Variants in CPLX1 observed in about 807,000 individuals in gnomAD.
The protein encoded by CPLX1 is complexin 1, also known as complexin-1.
Under a neutral mutation model 15.6 loss-of-function variants are expected in CPLX1, and 6 were observed. The observed-to-expected ratio is 0.39, with a 90% confidence interval of 0.21 to 0.76. The LOEUF (loss-of-function observed/expected upper bound fraction) is 0.76, where lower values mean the gene tolerates loss of function less well. Among genes scored for constraint, CPLX1 ranks in the 30% least tolerant of loss-of-function variants. CPLX1 has a pLI of 0.43. For synonymous variants in CPLX1, 91 were observed against 75.2 expected (o/e 1.21, Z -1.08); for missense variants, 242 against 188.6 (o/e 1.28, Z -1.66).
intron 2 of CPLX1, among the ~76,000 whole-genome samples, chr4:798,013 G>A (rs1021093120): frequency 7.9e-5 from 12 of 152,240 alleles, no homozygotes; most frequent in Admixed American, 2.6e-4. Flanking sequence ...AGTGGCTCAC[G>A]CCTGTAATTC....
intron 3 of CPLX1, among the ~76,000 whole-genome samples, chr4:789,839 C>A (rs1394938427): frequency 6.6e-6 from 1 of 152,206 alleles, no homozygotes; most frequent in Non-Finnish European, 1.5e-5. Flanking sequence ...CCCAAGATGC[C>A]GGGGGGTGCC....
chr4:808,222 C>G (rs1284791077), intron 2 of CPLX1, among the ~76,000 whole-genome samples: 1 of 151,778 alleles, frequency 6.6e-6, no homozygotes, highest in Non-Finnish European at 1.5e-5. Context: ...TGAGCTGAGA[C>G]CCTGGCTCAA....
At chr4:815,146 C>G (rs1746728080) in intron 2 of CPLX1, among the ~76,000 whole-genome samples, 1 of 152,172 alleles carries the variant, frequency 6.6e-6, no homozygotes, top group African/African-American at 2.4e-5. Context: ...CGTGGTGGCT[C>G]ACGCCTGTAA....
intron 2 of CPLX1, among the ~76,000 whole-genome samples, chr4:815,816 T>TCA (rs1385055548): frequency 6.6e-6 from 1 of 152,206 alleles, no homozygotes; most frequent in African/African-American, 2.4e-5. Context: ...CCCAGGCTCT[T>TCA]GTTACAACGG....
chr4:786,475 C>T lies in CPLX1; in HGVS notation c.*26G>A. The T allele has an allele frequency of 6.5e-7, 1 of 1,526,736 alleles. No individual in the cohort carries two copies. Among genetic ancestry groups the T allele is most frequent in the Non-Finnish European group, 8.8e-7 (1 of 1,133,002 alleles). The allele number at this position is 1,526,736 out of a possible 1,614,324, so 94.6% of individuals were successfully genotyped here. On this transcript the variant is annotated 3_prime_UTR_variant, in exon 4 of 4. Transcript: ENST00000304062. ...ATCTGTAGGGGGAGGGGCGGGGGCT[C>T]CGCGGGGCCGCTGTCCCGCGCGCGG...
At position 785,364 on chromosome 4, in the gene CPLX1, A is replaced by T. The variant is rs1369647334; in HGVS notation, c.*1137T>A. On this transcript the variant is annotated 3_prime_UTR_variant, in exon 4 of 4. Coordinates refer to ENST00000304062, the MANE Select transcript of CPLX1 (RefSeq NM_006651.4). ...GGCTTCTCTAAAGCTATGTAAGGTC[A>T]TGAAGGTCAATGCCAAGCCACGCCC... 6.6e-6 allele frequency: 1 copy of T among 152,536 alleles called. No homozygotes were observed. The highest frequency in any genetic ancestry group is 1.5e-5 in the Non-Finnish European group (1 of 68,034). 9.4% of individuals were successfully genotyped at this position (152,536 alleles called of 1,614,324 possible). A position where few individuals can be genotyped will look rare whatever the true frequency, so the allele number is the denominator to read the frequency against.
At chr4:822,308 CCT>C (rs1215264247) in intron 2 of CPLX1, among the ~76,000 whole-genome samples, 7 of 150,758 alleles carry the variant, frequency 4.6e-5, no homozygotes, top group Admixed American at 1.3e-4. Flanking sequence ...TCTCTGTATC[CCT>C]CTGTCTCTCC....
rs115856852 is a variant in CPLX1, at chr4:790,845, C to T, written c.207+1588G>A. On this transcript the variant is annotated intron_variant, in intron 3 of 3. Coordinates refer to ENST00000304062, the MANE Select transcript of CPLX1 (RefSeq NM_006651.4). Reference sequence around the variant, plus strand: ...GCCTGGGGCTCTCTCCTCTCTGTTCCCTGTGTCTCGGCCTTGATTGCTGTC... The same window carrying T: ...GCCTGGGGCTCTCTCCTCTCTGTTCTCTGTGTCTCGGCCTTGATTGCTGTC... Among the ~76,000 whole-genome samples, 944 of 152,180 alleles carry T rather than the reference C, an allele frequency of 6.2e-3. 10 individuals carry two copies. Among genetic ancestry groups the T allele is most frequent in the African/African-American group, 0.022 (896 of 41,502 alleles).
intron 2 of CPLX1, among the ~76,000 whole-genome samples, chr4:795,804 G>A (rs1746319172): frequency 1.4e-5 from 2 of 146,462 alleles, no homozygotes; most frequent in Admixed American, 1.3e-4. Flanking sequence ...TGGAGAGGGG[G>A]TGGGGGGGGG....
intron 2 of CPLX1, among the ~76,000 whole-genome samples, chr4:814,829 C>A (rs532617189): frequency 6.6e-6 from 1 of 152,314 alleles, no homozygotes; most frequent in African/African-American, 2.4e-5. Context: ...GTGTGAGGGG[C>A]CCCGGCCATG....
intron 2 of CPLX1, among the ~76,000 whole-genome samples, chr4:820,856 A>G (rs1036076650): frequency 7.9e-5 from 12 of 151,778 alleles, no homozygotes; most frequent in Non-Finnish European, 1.8e-4. Flanking sequence ...TGGCCCCCAC[A>G]AGCCCCTTGG....
At chr4:791,045 T>G (rs75261937) in intron 3 of CPLX1, among the ~76,000 whole-genome samples, 1 of 152,014 alleles carries the variant, frequency 6.6e-6, no homozygotes. Flanking sequence ...TCCCCCTTCC[T>G]TCTCCTCCTG....
intron 2 of CPLX1, among the ~76,000 whole-genome samples, chr4:795,808 G>T (rs529832610): frequency 4.6e-5 from 7 of 151,972 alleles, no homozygotes; most frequent in African/African-American, 9.7e-5. Context: ...GAGGGGGTGG[G>T]GGGGGGGTGC....
Position 786,635 on chromosome 4 carries a change from C to G in CPLX1, c.271G>C (p.Glu91Gln). 1 of 1,612,468 alleles carries G rather than the reference C, an allele frequency of 6.2e-7. No homozygotes were observed. The highest frequency in any genetic ancestry group is 1.1e-5 in the South Asian group (1 of 91,036). The change falls in exon 4 of 4, where the codon GAG becomes CAG. Residue 91 changes from glutamate (E) to glutamine (Q), a missense_variant. Transcript: ENST00000304062. The stretch of plus-strand genomic sequence containing the variant: ...TTCTTGGGCCGCGTCAAGCTCCCCT[C>G]GGAGTTGGCCTCCATGGCGGCCTGG... The part of the protein sequence containing the change: ...EAQAAMEANS[E>Q]GSLTRPKKAI...
intron 3 of CPLX1, chr4:787,877 G>C (rs1042440959): frequency 8.1e-6 from 8 of 985,330 alleles, no homozygotes; most frequent in African/African-American, 5.2e-5. Context: ...GTGGGAACCA[G>C]TGGGGTTGGG....
At chr4:799,411 G>T (rs940961617) in intron 2 of CPLX1, among the ~76,000 whole-genome samples, 5 of 152,226 alleles carry the variant, frequency 3.3e-5, no homozygotes, top group East Asian at 1.9e-4. Context: ...GGAAGGCGAA[G>T]AACTCATCCA....
At chr4:814,273 C>T (rs1050195724) in intron 2 of CPLX1, among the ~76,000 whole-genome samples, 3 of 152,190 alleles carry the variant, frequency 2.0e-5, no homozygotes, top group African/African-American at 7.2e-5. Context: ...AGTGCAGTAG[C>T]GCAATCTCAG....
At chr4:809,720 G>A (rs1196678129) in intron 2 of CPLX1, among the ~76,000 whole-genome samples, 3 of 152,208 alleles carry the variant, frequency 2.0e-5, no homozygotes, top group African/African-American at 2.4e-5. Flanking sequence ...CAGTGGACAC[G>A]TCCAGCCCTC....
chr4:787,268 A>G (rs1746026204), intron 3 of CPLX1: 2 of 985,196 alleles, frequency 2.0e-6, no homozygotes, highest in Admixed American at 1.2e-4. Flanking sequence ...ACTTCCAGGC[A>G]CTGGGTGTCC....
Sources: gnomAD v4.1 joint callset for allele counts (sites outside exome capture counted in the v4.1 genomes callset) on GRCh38, gnomAD v4.1.1 for gene constraint, MANE v1.5 for transcripts, NCBI Gene and HGNC (gene_info 2026-07-23, HGNC 2026-07-21) for gene names.